Variants in PCDHGB4 observed in about 807,000 individuals in gnomAD.
PCDHGB4 encodes protocadherin gamma subfamily B, 4.
PCDHGB4 carries 38 observed loss-of-function variants against 60.5 expected under a neutral mutation model. That is an observed-to-expected ratio of 0.63 (90% confidence interval 0.48 to 0.82). The LOEUF (loss-of-function observed/expected upper bound fraction) is 0.82. Among genes scored for constraint, PCDHGB4 ranks in the 40% least tolerant of loss-of-function variants. The probability of loss-of-function intolerance (pLI) is 0.00; values close to 1 mark genes in which losing one functional copy is unlikely to be tolerated. For missense variants in PCDHGB4, 1,109 were observed against 1,209.6 expected (o/e 0.92, Z 1.23); for synonymous variants, 456 against 509.7 (o/e 0.89, Z 1.42).
At position 141,403,891 on chromosome 5, in the gene PCDHGB4, AT is replaced by A. The variant is rs757338627; in HGVS notation, c.2397+13614del. The A allele has an allele frequency of 3.1e-6, 5 of 1,613,870 alleles. No individual in the cohort carries two copies. In the Admixed American group the frequency reaches 6.7e-5, roughly 22 times the overall value. On this transcript the variant is annotated intron_variant, in intron 1 of 3. Transcript: ENST00000519479. Reference sequence around the variant, plus strand: ...AAAGTCTAGATTATGAAGAATGTTCATTTTATGAAATGGAAATACAAGCTGA... The same window carrying A: ...AAAGTCTAGATTATGAAGAATGTTCATTTATGAAATGGAAATACAAGCTGA...
chr5:141,406,253 C>CA (rs2094783585), intron 1 of PCDHGB4, among the ~76,000 whole-genome samples: 1 of 151,976 alleles, frequency 6.6e-6, no homozygotes, highest in Admixed American at 6.6e-5. Flanking sequence ...AGACTGGTCT[C>CA]AAACGATCTT....
At chr5:141,415,024 G>C in intron 1 of PCDHGB4, 1 of 1,613,568 alleles carries the variant, frequency 6.2e-7, no homozygotes, top group Non-Finnish European at 8.5e-7. Flanking sequence ...CAAGGCCAGC[G>C]AGCCGGGACT....
chr5:141,487,361 A>C lies in PCDHGB4; in HGVS notation c.2398-7446A>C. On this transcript the variant is annotated intron_variant, in intron 1 of 3. Transcript: ENST00000519479. This position sits in a 1 kb window ranked among gnomAD's most constrained non-coding sequence, Gnocchi z 5.0. ...TGGAGTCACATGCTTTCCTGCTGGC[A>C]CCTGTGCCTGTCTCACCAGATCTCG... The C allele has an allele frequency of 1.2e-6, 2 of 1,613,834 alleles. No individual in the cohort carries two copies. Among genetic ancestry groups the C allele is most frequent in the East Asian group, 2.2e-5 (1 of 44,860 alleles).
chr5:141,414,801 G>A, intron 1 of PCDHGB4: 2 of 1,614,218 alleles, frequency 1.2e-6, no homozygotes, highest in Non-Finnish European at 1.7e-6. Flanking sequence ...GCGACAGCGG[G>A]GATCCTCCAC....
At chr5:141,482,673 G>A (rs1278135239) in intron 1 of PCDHGB4, among the ~76,000 whole-genome samples, 1 of 152,156 alleles carries the variant, frequency 6.6e-6, no homozygotes, top group Non-Finnish European at 1.5e-5. Context: ...TAAAGGTTGA[G>A]TAGTAGCTTG....
chr5:141,389,496 CCAGCGCT>C lies in PCDHGB4; in HGVS notation c.1619_1625del (p.Leu540ArgfsTer3). 1 of 1,613,068 alleles carries C rather than the reference CCAGCGCT, an allele frequency of 6.2e-7. No individual in the cohort carries two copies. Among genetic ancestry groups the C allele is most frequent in the Non-Finnish European group, 8.5e-7 (1 of 1,179,744 alleles). ...ACTGCAGGCCCGCGACCAGGGCTCGCCAGCGCTCAGCGCGAACGTGAGCCTGCGCGTG... is the reference window on the plus strand; with the variant it reads ...ACTGCAGGCCCGCGACCAGGGCTCGCCAGCGCGAACGTGAGCCTGCGCGTG... On this transcript the variant is annotated frameshift_variant, in exon 1 of 4. Transcript: ENST00000519479. LOFTEE classifies it high-confidence loss of function.
rs757462176 is a variant in PCDHGB4 at position 141,389,248 on chromosome 5, A to G, written c.1364A>G (p.Tyr455Cys). 45 of 1,613,918 alleles carry G rather than the reference A, an allele frequency of 2.8e-5. No homozygotes were observed. Among genetic ancestry groups the G allele is most frequent in the African/African-American group, 6.7e-5 (5 of 74,936 alleles). Residue 455 changes from tyrosine (Y) to cysteine (C), a missense_variant, in exon 1 of 4, where the codon TAT becomes TGT. Tyr to Cys is a radical substitution (Grantham distance 194, BLOSUM62 -2). Around this residue, in one of 2 missense-constraint regions of PCDHGB4, gnomAD observed 1,068 missense variants for 1,089.9 expected, o/e 0.98. Coordinates refer to ENST00000519479, the MANE Select transcript of PCDHGB4 (RefSeq NM_003736.4). The part of the protein sequence containing the change: ...DNAPVFSQSS[Y>C]IVHVAENNPP... ...GCTCCGGTTTTCTCACAGTCTTCCT[A>G]TATAGTCCACGTGGCCGAGAACAAC...
chr5:141,461,088 G>A (rs2099008870), intron 1 of PCDHGB4, among the ~76,000 whole-genome samples: 1 of 151,800 alleles, frequency 6.6e-6, no homozygotes, highest in Non-Finnish European at 1.5e-5. Context: ...GAATTGTGCT[G>A]CTATAAACAT....
At chr5:141,480,298 C>G (rs1238380283) in intron 1 of PCDHGB4, among the ~76,000 whole-genome samples, 1 of 132,676 alleles carries the variant, frequency 7.5e-6, no homozygotes, top group Non-Finnish European at 1.6e-5. Flanking sequence ...ACCTGTGGTA[C>G]CAGCTACTTG....
chr5:141,425,337 G>A (rs1327677274), intron 1 of PCDHGB4, among the ~76,000 whole-genome samples: 1 of 152,186 alleles, frequency 6.6e-6, no homozygotes. Flanking sequence ...AAAAAGGAAG[G>A]GTTGGCTTTG....
At position 141,388,433 on chromosome 5, in the gene PCDHGB4, A is replaced by G; in HGVS notation, c.549A>G (p.Lys183=). The part of the protein sequence containing the change: ...SPSDHFSLIN[K]EKSDGSKYPE... The stretch of plus-strand genomic sequence containing the variant: ...GTGATCATTTCTCACTGATAAATAA[A>G]GAGAAATCAGATGGCAGTAAATACC... The change falls in exon 1 of 4, where the codon AAA becomes AAG. Residue 183 remains lysine (K), a synonymous_variant. Coordinates refer to ENST00000519479, the MANE Select transcript of PCDHGB4 (RefSeq NM_003736.4). 1 of 1,613,878 alleles carries G rather than the reference A, an allele frequency of 6.2e-7. No individual in the cohort carries two copies. Among genetic ancestry groups the G allele is most frequent in the Non-Finnish European group, 8.5e-7 (1 of 1,179,852 alleles).
In PCDHGB4 at chr5:141,389,721, G is replaced by C. The variant is rs1477842058; in HGVS notation, c.1837G>C (p.Gly613Arg). Residue 613 changes from glycine (G) to arginine (R), a missense_variant, in exon 1 of 4, where the codon GGG becomes CGG. Transcript: ENST00000519479. ...SYHVLQASEP[G>R]LFSLGLRTGE... ...CCACGTGCTGCAGGCTAGCGAGCCC[G>C]GGCTCTTCAGCCTGGGGCTGCGCAC... 7 of 1,612,620 alleles carry C rather than the reference G, an allele frequency of 4.3e-6. No individual in the cohort carries two copies. Among genetic ancestry groups the C allele is most frequent in the Non-Finnish European group, 5.1e-6 (6 of 1,179,754 alleles).
intron 1 of PCDHGB4, chr5:141,415,035 C>T (rs368588973): frequency 8.9e-5 from 143 of 1,613,460 alleles, no homozygotes; most frequent in Non-Finnish European, 1.1e-4. Flanking sequence ...AGCCGGGACT[C>T]TTCGCGGTGG....
Position 141,387,929 on chromosome 5 carries a change from A to C in PCDHGB4, c.45A>C (p.Pro15=). Residue 15 remains proline (P), a synonymous_variant, in exon 1 of 4, where the codon CCA becomes CCC. Coordinates refer to ENST00000519479, the MANE Select transcript of PCDHGB4 (RefSeq NM_003736.4). ...AGCTGGGCCGGGCTGAGAGGCTGCC[A>C]GTGCTCTTTCTCTTCCTGCTGTCTT... ...AGELGRAERL[P]VLFLFLLSLF... is the part of the protein sequence containing the mutation. 1 of 1,235,330 alleles carries C rather than the reference A, an allele frequency of 8.1e-7. No individual in the cohort carries two copies. The highest frequency in any genetic ancestry group is 1.1e-6 in the Non-Finnish European group (1 of 905,332). 76.5% of individuals were successfully genotyped at this position (1,235,330 alleles called of 1,614,324 possible).
At chr5:141,462,152 G>C (rs1336635196) in intron 1 of PCDHGB4, among the ~76,000 whole-genome samples, 6 of 152,034 alleles carry the variant, frequency 3.9e-5, no homozygotes, top group African/African-American at 7.2e-5. Flanking sequence ...TAGAGATGGG[G>C]TTTCATCATG....
intron 1 of PCDHGB4, chr5:141,404,921 A>G: frequency 6.2e-7 from 1 of 1,613,804 alleles, no homozygotes; most frequent in South Asian, 1.1e-5. Context: ...TCTCTCGGCC[A>G]CTGTCACGCT....
intron 1 of PCDHGB4, chr5:141,396,465 C>T (rs1471669939): frequency 6.6e-6 from 1 of 152,072 alleles, no homozygotes; most frequent in African/African-American, 2.4e-5. Flanking sequence ...CTAAAAACTA[C>T]AAAAATTAGC....
intron 2 of PCDHGB4, among the ~76,000 whole-genome samples, chr5:141,496,121 C>A (rs1391009290): frequency 6.6e-6 from 1 of 152,088 alleles, no homozygotes; most frequent in Non-Finnish European, 1.5e-5. Flanking sequence ...TCCTTCCCTG[C>A]CCCTCACACA....
chr5:141,474,955 T>C (rs2099356879), intron 1 of PCDHGB4, among the ~76,000 whole-genome samples: 1 of 152,254 alleles, frequency 6.6e-6, no homozygotes, highest in African/African-American at 2.4e-5. Context: ...TTTTATTCAC[T>C]ATCCTAATCA....
Sources: gnomAD v4.1 joint callset for allele counts (sites outside exome capture counted in the v4.1 genomes callset) on GRCh38, gnomAD v4.1.1 for gene constraint, gnomAD v4.1.1 regional missense constraint, Gnocchi (gnomAD v3.1) non-coding constraint, MANE v1.5 for transcripts, NCBI Gene and HGNC (gene_info 2026-07-23, HGNC 2026-07-21) for gene names.